TEX14: variants seen among roughly 807,000 people sequenced by gnomAD.
The protein encoded by TEX14 is inactive serine/threonine-protein kinase TEX14.
TEX14 carries 168 observed loss-of-function variants against 178.6 expected under a neutral mutation model. That is an observed-to-expected ratio of 0.94 (90% CI 0.83 to 1.07). The LOEUF (loss-of-function observed/expected upper bound fraction) is 1.07. Ranked by LOEUF, TEX14 falls within the 50% of genes least tolerant of loss-of-function variation. The probability of loss-of-function intolerance (pLI) is 0.00; values close to 1 mark genes in which losing one functional copy is unlikely to be tolerated. For missense variants in TEX14, 1,730 were observed against 1,753.6 expected, an observed-to-expected ratio of 0.99 and a Z score of 0.24; for synonymous variants, 626 against 634.1, an observed-to-expected ratio of 0.99 and a Z score of 0.19.
At chr17:58,688,117 TTTTTG>T (rs997118381) in intron 1 of TEX14, among the ~76,000 whole-genome samples, 1 of 151,900 alleles carries the variant, frequency 6.6e-6, no homozygotes, top group East Asian at 1.9e-4. Flanking sequence ...TTATAGACTT[TTTTTG>T]TTTTGTTTTG....
At chr17:58,657,501 G>GTTTTTTTTTTTTTTTTTTTT (rs2046994149) in intron 1 of TEX14, among the ~76,000 whole-genome samples, 1 of 98,458 alleles carries the variant, frequency 1.0e-5, no homozygotes, top group African/African-American at 4.1e-5. Context: ...TACGGGAAAT[G>GTTTTTTTTTTTTTTTTTTTT]CTTTTTTTTT....
chr17:58,579,777 G>T, intron 19 of TEX14, 46 bp from the exon 20 acceptor site: 2 of 1,421,628 alleles, frequency 1.4e-6, no homozygotes, highest in African/African-American at 1.4e-5. Flanking sequence ...TTCACTGGAG[G>T]CAGACATATT....
At position 58,605,166 on chromosome 17, in the gene TEX14, T is replaced by A. The variant is rs116732230; in HGVS notation, c.1185-37A>T. On this transcript the variant is annotated intron_variant, in intron 10 of 31. Coordinates refer to ENST00000349033, the MANE Select transcript of TEX14 (RefSeq NM_031272.5). Reference sequence around the variant, plus strand: ...AACTCACAAGTCAGCGCTCATGCCTTAAAGGGTCTTTTATTCATTCATTCA... The same window carrying A: ...AACTCACAAGTCAGCGCTCATGCCTAAAAGGGTCTTTTATTCATTCATTCA... 990 of 1,598,750 alleles carry A rather than the reference T, an allele frequency of 6.2e-4. 5 individuals carry two copies. The African/African-American group carries it at 0.012, about 19-fold the overall frequency.
chr17:58,684,449 C>T (rs1275103470), intron 1 of TEX14, among the ~76,000 whole-genome samples: 2 of 147,750 alleles, frequency 1.4e-5, no homozygotes, highest in Middle Eastern at 3.5e-3. Context: ...GCAACAAGAG[C>T]GAAACTCCGT....
At chr17:58,620,413 TCC>T (rs760548011) in intron 5 of TEX14, among the ~76,000 whole-genome samples, 7 of 152,092 alleles carry the variant, frequency 4.6e-5, no homozygotes, top group Non-Finnish European at 1.0e-4. Flanking sequence ...TGCTGCAACC[TCC>T]ACCTCCCAGA....
chr17:58,670,710 T>C (rs1235560198), intron 1 of TEX14, among the ~76,000 whole-genome samples: 1 of 129,646 alleles, frequency 7.7e-6, no homozygotes, highest in Non-Finnish European at 1.5e-5. Flanking sequence ...GAGGTGGAGG[T>C]TGCAGTGAGT....
intron 1 of TEX14, among the ~76,000 whole-genome samples, chr17:58,684,454 C>A (rs2047556628): frequency 6.7e-6 from 1 of 148,632 alleles, no homozygotes; most frequent in Non-Finnish European, 1.5e-5. Flanking sequence ...AAGAGCGAAA[C>A]TCCGTCCCAA....
At chr17:58,571,604 G>A (rs2044531027) in intron 24 of TEX14, among the ~76,000 whole-genome samples, 1 of 152,096 alleles carries the variant, frequency 6.6e-6, no homozygotes, top group Non-Finnish European at 1.5e-5. Flanking sequence ...AAAAAAAGGA[G>A]GAAGAAGTAG....
intron 1 of TEX14, among the ~76,000 whole-genome samples, chr17:58,685,429 C>T (rs1456516877): frequency 7.0e-6 from 1 of 143,642 alleles, no homozygotes; most frequent in Admixed American, 7.0e-5. Context: ...GAGTAAGACT[C>T]GGTGTCAAAA....
At chr17:58,582,726 T>TC (rs1320453273) in intron 19 of TEX14, among the ~76,000 whole-genome samples, 1 of 151,106 alleles carries the variant, frequency 6.6e-6, no homozygotes, top group Non-Finnish European at 1.5e-5. Flanking sequence ...ACCACACCTG[T>TC]CTACTTTTTG....
At chr17:58,563,807 CACAG>C (rs1025227903) in intron 28 of TEX14, among the ~76,000 whole-genome samples, 5 of 139,164 alleles carry the variant, frequency 3.6e-5, no homozygotes, top group African/African-American at 1.3e-4. Context: ...TATACACACA[CACAG>C]ACACACACAC....
At chr17:58,670,433 A>AC (rs1355420250) in intron 1 of TEX14, among the ~76,000 whole-genome samples, 1 of 152,000 alleles carries the variant, frequency 6.6e-6, no homozygotes, top group Non-Finnish European at 1.5e-5. Flanking sequence ...TTAAAAAAAA[A>AC]AACAACAAAC....
chr17:58,655,403 C>T (rs1840972734), intron 1 of TEX14, among the ~76,000 whole-genome samples: 2 of 151,772 alleles, frequency 1.3e-5, no homozygotes, highest in South Asian at 2.1e-4. Flanking sequence ...AGGATGGTCT[C>T]GATCTATTGA....
At chr17:58,642,726 C>T (rs1165333494) in intron 2 of TEX14, among the ~76,000 whole-genome samples, 1 of 152,008 alleles carries the variant, frequency 6.6e-6, no homozygotes, top group Non-Finnish European at 1.5e-5. Flanking sequence ...GGTCTGGGCC[C>T]TTCTATATCT....
intron 10 of TEX14, among the ~76,000 whole-genome samples, chr17:58,609,615 G>A (rs1041967627): frequency 1.3e-5 from 2 of 152,262 alleles, no homozygotes; most frequent in East Asian, 3.9e-4. Flanking sequence ...TAAGAACACA[G>A]CATCCCAGTG....
At chr17:58,654,039 A>G (rs1028479634) in intron 1 of TEX14, among the ~76,000 whole-genome samples, 5 of 152,224 alleles carry the variant, frequency 3.3e-5, no homozygotes, top group Non-Finnish European at 5.9e-5. Context: ...TTAGCCGGGC[A>G]TGGTGGCGGG....
In TEX14 at chr17:58,657,330, T is replaced by C. The variant is rs886734712; in HGVS notation, c.-1-5328A>G. On this transcript the variant is annotated intron_variant, in intron 1 of 31. Coordinates refer to ENST00000349033, the MANE Select transcript of TEX14 (RefSeq NM_031272.5). ...TGTGCCTGTTCTTGTCTTGTCTGTG[T>C]GTCAGGGGGTGGAATCCTGAAGGAA... Among the ~76,000 whole-genome samples the C allele has an allele frequency of 4.0e-5, 6 of 151,708 alleles. No individual in the cohort carries two copies. In the East Asian group the frequency reaches 1.2e-3, roughly 29 times the overall value.
Position 58,565,753 on chromosome 17 carries a change from CA to C in TEX14, c.3957del (p.Ala1320GlnfsTer7). The C allele has an allele frequency of 6.2e-7, 1 of 1,606,546 alleles. No homozygotes were observed. The highest frequency in any genetic ancestry group is 8.5e-7 in the Non-Finnish European group (1 of 1,175,838). On this transcript the variant is annotated frameshift_variant, in exon 27 of 32. Transcript: ENST00000349033. LOFTEE classifies it high-confidence loss of function. ...ATCTAGGTAGTTCACTTACCATTTGCAGTGCCTCCTCCATCACTTGCTGTGT... is the reference window on the plus strand; with the variant it reads ...ATCTAGGTAGTTCACTTACCATTTGCGTGCCTCCTCCATCACTTGCTGTGT... ...HENTASDGGG[T>X]ANDQRHLEEQ...
intron 15 of TEX14, among the ~76,000 whole-genome samples, chr17:58,591,804 T>C (rs978124377): frequency 6.6e-6 from 1 of 151,742 alleles, no homozygotes; most frequent in Non-Finnish European, 1.5e-5. Flanking sequence ...ACACCTATAA[T>C]CCCAGTACTT....
Sources: allele counts gnomAD v4.1 joint callset (sites outside exome capture counted in the v4.1 genomes callset), GRCh38; gene constraint gnomAD v4.1.1; transcripts MANE v1.5; gene names NCBI Gene and HGNC (gene_info 2026-07-23, HGNC 2026-07-21).